GPHN: variants seen among roughly 807,000 people sequenced by gnomAD.
GPHN encodes gephyrin.
Under a neutral mutation model 95.5 loss-of-function variants are expected in GPHN, and 17 were observed. The observed-to-expected ratio is 0.18, with a 90% CI of 0.12 to 0.27. GPHN has a LOEUF of 0.27. Ranked by LOEUF, GPHN falls within the 10% of genes least tolerant of loss-of-function variation. The probability of loss-of-function intolerance (pLI) is 1.00; values close to 1 mark genes in which losing one functional copy is unlikely to be tolerated. For synonymous variants in GPHN, 320 were observed against 322.5 expected, an observed-to-expected ratio of 0.99 and a Z score of 0.08; for missense variants, 660 against 978.1, an observed-to-expected ratio of 0.67 and a Z score of 4.34.
the GPHN span, chr14:67,615,067 G>A: frequency 6.6e-6 from 1 of 152,130 alleles, no homozygotes; most frequent in African/African-American, 2.4e-5. Context: ...GATAGAGTGT[G>A]TGTTGGCAGC....
At chr14:66,833,084 T>C (rs2061641414) in intron 4 of GPHN, among the ~76,000 whole-genome samples, 1 of 151,960 alleles carries the variant, frequency 6.6e-6, no homozygotes, top group Admixed American at 6.6e-5. Context: ...AAATGAGAGA[T>C]TTACTGTATT....
At chr14:66,594,589 G>A (rs2061893557) in intron 1 of GPHN, among the ~76,000 whole-genome samples, 1 of 152,124 alleles carries the variant, frequency 6.6e-6, no homozygotes, top group Non-Finnish European at 1.5e-5. Flanking sequence ...ATCAATAAAT[G>A]GTCGTAGGGA....
intron 2 of GPHN, among the ~76,000 whole-genome samples, chr14:66,736,787 C>T (rs2072328731): frequency 2.0e-5 from 3 of 152,182 alleles, no homozygotes; most frequent in African/African-American, 7.2e-5. Context: ...TCTATTTGCA[C>T]TTCATTTTCT....
chr14:67,012,319 T>C (rs1218905433), intron 9 of GPHN, among the ~76,000 whole-genome samples: 1 of 152,094 alleles, frequency 6.6e-6, no homozygotes, highest in East Asian at 2.0e-4. Flanking sequence ...TTATTTATGG[T>C]AAAACTTCAA....
chr14:67,718,061 A>G, the GPHN span, among the ~76,000 whole-genome samples: 1 of 152,196 alleles, frequency 6.6e-6, no homozygotes, highest in Non-Finnish European at 1.5e-5. Flanking sequence ...AGGAACAACA[A>G]GTCATTATTA....
At chr14:66,859,897 C>T (rs536873720) in intron 4 of GPHN, among the ~76,000 whole-genome samples, 2 of 152,000 alleles carry the variant, frequency 1.3e-5, no homozygotes, top group East Asian at 3.9e-4. Context: ...AATTAGTGAG[C>T]TTGAAGAAAG....
chr14:67,074,250 C>G (rs936389330), intron 11 of GPHN, among the ~76,000 whole-genome samples: 1 of 151,490 alleles, frequency 6.6e-6, no homozygotes, highest in South Asian at 2.1e-4. Context: ...TCTCTTGGCA[C>G]CATTTTTCCA....
the GPHN span, among the ~76,000 whole-genome samples, chr14:67,327,686 G>A: frequency 6.6e-6 from 1 of 151,572 alleles, no homozygotes; most frequent in Non-Finnish European, 1.5e-5. Flanking sequence ...TCCCCACCCT[G>A]TGTCCTGGTG....
the GPHN span, among the ~76,000 whole-genome samples, chr14:67,322,113 A>G: frequency 3.3e-5 from 5 of 152,154 alleles, no homozygotes; most frequent in African/African-American, 4.8e-5. Flanking sequence ...TAGGACGCCA[A>G]TGTGGGTGGA....
At chr14:67,223,813 T>C in the GPHN span, 1 of 985,824 alleles carries the variant, frequency 1.0e-6, no homozygotes, top group East Asian at 1.1e-4. Context: ...TTCACTCTCC[T>C]CTAAATCACC....
intron 4 of GPHN, among the ~76,000 whole-genome samples, chr14:66,860,157 T>G (rs1196244953): frequency 1.3e-5 from 2 of 152,104 alleles, no homozygotes; most frequent in Non-Finnish European, 2.9e-5. Flanking sequence ...ACTCAAAGAC[T>G]ACCTCAAGGC....
intron 4 of GPHN, among the ~76,000 whole-genome samples, chr14:66,859,651 G>T (rs1003892401): frequency 1.7e-4 from 26 of 152,320 alleles, no homozygotes; most frequent in African/African-American, 5.8e-4. Flanking sequence ...GAATAAGCTT[G>T]AAGAAACAGA....
chr14:66,616,257 T>A (rs988026954), intron 1 of GPHN, among the ~76,000 whole-genome samples: 2 of 87,494 alleles, frequency 2.3e-5, no homozygotes, highest in Non-Finnish European at 3.6e-5. Context: ...GATAGTTTGA[T>A]GGGAATAACA....
the GPHN span, among the ~76,000 whole-genome samples, chr14:67,407,688 A>G: frequency 6.6e-6 from 1 of 151,634 alleles, no homozygotes; most frequent in Non-Finnish European, 1.5e-5. Flanking sequence ...CAATCCTCCC[A>G]CTTTGGCCTC....
At chr14:67,188,491 C>T in the GPHN span, among the ~76,000 whole-genome samples, 1 of 152,136 alleles carries the variant, frequency 6.6e-6, no homozygotes, top group African/African-American at 2.4e-5. Flanking sequence ...TTTTCTGGCC[C>T]TTGGGCAGGA....
At chr14:66,510,925 A>G (rs2058018559) in intron 1 of GPHN, among the ~76,000 whole-genome samples, 1 of 152,142 alleles carries the variant, frequency 6.6e-6, no homozygotes, top group Admixed American at 6.5e-5. Flanking sequence ...GTCTAGGGGG[A>G]AAAGTCTAGG....
chr14:66,909,861 G>A (rs553043370), intron 5 of GPHN, among the ~76,000 whole-genome samples: 342 of 152,002 alleles, frequency 2.2e-3, no homozygotes, highest in African/African-American at 7.7e-3. Context: ...TAGTCTTTTA[G>A]AAGTAATGGA....
intron 4 of GPHN, among the ~76,000 whole-genome samples, chr14:66,840,998 GATATA>G (rs2062056938): frequency 7.2e-6 from 1 of 138,824 alleles, no homozygotes; most frequent in Non-Finnish European, 1.5e-5. Flanking sequence ...TATAGATATA[GATATA>G]GATATAGATA....
At chr14:66,718,610 G>A (rs955048263) in intron 2 of GPHN, among the ~76,000 whole-genome samples, 3 of 152,104 alleles carry the variant, frequency 2.0e-5, no homozygotes, top group Non-Finnish European at 4.4e-5. Flanking sequence ...CCATTTTACA[G>A]AGTGCTGATT....
Sources: gnomAD v4.1 joint callset for allele counts (sites outside exome capture counted in the v4.1 genomes callset) on GRCh38, gnomAD v4.1.1 for gene constraint, MANE v1.5 for transcripts, NCBI Gene and HGNC (gene_info 2026-07-23, HGNC 2026-07-21) for gene names.